The following GSTK1 variants were observed in gnomAD, a reference collection of about 807,000 sequenced individuals.
GSTK1 encodes glutathione S-transferase kappa 1, also known as GST class-kappa.
Under a neutral mutation model 30.9 loss-of-function variants are expected in GSTK1, and 25 were observed. That is an observed-to-expected ratio of 0.81 (90% CI 0.59 to 1.13). GSTK1 has a LOEUF of 1.13. Among genes scored for constraint, GSTK1 ranks in the 50% most tolerant of loss-of-function variants. The pLI, the probability that GSTK1 is intolerant of heterozygous loss-of-function variation, is 0.00. For synonymous variants in GSTK1, 108 were observed against 112.5 expected, an observed-to-expected ratio of 0.96 and a Z score of 0.25; for missense variants, 292 against 292.4, an observed-to-expected ratio of 1.00 and a Z score of 0.01.
chr7:143,267,546 CAG>C, intron 5 of GSTK1, 69 bp from the exon 6 acceptor site: 1 of 1,209,222 alleles, frequency 8.3e-7, no homozygotes, highest in Non-Finnish European at 1.2e-6. Flanking sequence ...ATAAAAAGAC[CAG>C]AGTTTTCCTC....
In GSTK1 at chr7:143,268,093, C is replaced by T; in HGVS notation, c.540C>T (p.Ala180=). The change falls in exon 7 of 8, where the codon GCC becomes GCT. Residue 180 remains alanine (A), a splice_region_variant and synonymous_variant. Coordinates refer to ENST00000358406, the MANE Select transcript of GSTK1 (RefSeq NM_015917.3). This position sits in a 1 kb window ranked among gnomAD's most constrained non-coding sequence, Gnocchi z 4.1. ...TGCATTGTAACTGCTTTCTCCAGGC[C>T]TTTGGGCTGCCCATCACCGTGGCCC... ...ETTEAACRYG[A]FGLPITVAHV... 6.2e-7 allele frequency: 1 copy of T among 1,613,072 alleles called. No homozygotes were observed. Among genetic ancestry groups the T allele is most frequent in the Non-Finnish European group, 8.5e-7 (1 of 1,179,434 alleles).
chr7:143,267,291 ACT>A (rs915569087), intron 5 of GSTK1, among the ~76,000 whole-genome samples: 1 of 152,100 alleles, frequency 6.6e-6, no homozygotes, highest in Admixed American at 6.6e-5. Flanking sequence ...ATGCTCTGTA[ACT>A]CTGAGCAAGT....
Position 143,267,612 on chromosome 7 carries a change from C to G in GSTK1, c.421-5C>G. On this transcript the variant is annotated splice_polypyrimidine_tract_variant and splice_region_variant and intron_variant, in intron 5 of 7. Transcript: ENST00000358406. The stretch of plus-strand genomic sequence containing the variant: ...ACAGTTGTATTCCCTACTATATTCC[C>G]TTAGGCTGCAGAGAAGGCTGGTATG... 6.2e-7 allele frequency: 1 copy of G among 1,604,002 alleles called. No individual in the cohort carries two copies. The highest frequency in any genetic ancestry group is 8.5e-7 in the Non-Finnish European group (1 of 1,170,806).
At chr7:143,266,023 C>CTTTTTTTTTTTTTT (rs11296238) in intron 5 of GSTK1, among the ~76,000 whole-genome samples, 4 of 69,254 alleles carry the variant, frequency 5.8e-5, no homozygotes, top group Admixed American at 2.0e-4. Flanking sequence ...ATTTTCCATG[C>CTTTTTTTTTTTTTT]TTTTTTTTTT....
Position 143,264,577 on chromosome 7 carries a change from A to C in GSTK1, c.184A>C (p.Lys62Gln). The C allele has an allele frequency of 6.2e-7, 1 of 1,614,034 alleles. No homozygotes were observed. Among genetic ancestry groups the C allele is most frequent in the Non-Finnish European group, 8.5e-7 (1 of 1,179,916 alleles). The change falls in exon 3 of 8, where the codon AAA becomes CAA. Residue 62 changes from lysine to glutamine, a missense_variant. Physicochemically the swap from Lys to Gln is moderately conservative, Grantham distance 53. Coordinates refer to ENST00000358406, the MANE Select transcript of GSTK1 (RefSeq NM_015917.3). ...CAAGCCTCCAGGTCTGCTTCCCCGC[A>C]AAGGACTATACATGGCAAATGACTT... ...GNKPPGLLPR[K>Q]GLYMANDLKL... is the part of the protein sequence containing the mutation.
chr7:143,265,770 G>A (rs1020377310), intron 5 of GSTK1, among the ~76,000 whole-genome samples: 4 of 152,178 alleles, frequency 2.6e-5, no homozygotes, highest in African/African-American at 9.7e-5. Context: ...ACATTGACCA[G>A]TGAGCCATGG....
rs571744503 is a variant in GSTK1 at position 143,264,299 on chromosome 7, C to T, written c.154+132C>T. 1.2e-4 allele frequency: 101 copies of T among 868,294 alleles called. 3 individuals are homozygous for T. The South Asian group carries it at 1.5e-3, about 13-fold the overall frequency. The allele number at this position is 868,294 out of a possible 1,614,324, so 53.8% of individuals were successfully genotyped here. On this transcript the variant is annotated intron_variant, in intron 2 of 7. Transcript: ENST00000358406. ...TCTCTACTAAAAATACAAAATTAGC[C>T]GGGCGTGGTAGTGCATGCCTGTATA...
Position 143,266,023 on chromosome 7 carries a change from C to CTTTT in GSTK1, c.420+749_420+752dup, listed in dbSNP as rs11296238. On this transcript the variant is annotated intron_variant, in intron 5 of 7. Coordinates refer to ENST00000358406, the MANE Select transcript of GSTK1 (RefSeq NM_015917.3). ...ACTTCATATTTAATCATTTTCCATG[C>CTTTT]TTTTTTTTTTTTTTTTTTTTTTTTT... is the stretch of plus-strand genomic sequence containing the variant. 8.3e-3 allele frequency among the ~76,000 whole-genome samples: 574 copies of CTTTT among 69,302 alleles called. 1 individual carries two copies. The highest frequency in any genetic ancestry group is 0.01 in the Non-Finnish European group (392 of 38,478). The allele number at this position is 69,302 out of a possible 152,430, so 45.5% of individuals were successfully genotyped here. A position where few individuals can be genotyped will look rare whatever the true frequency, so the allele number is the denominator to read the frequency against.
intron 5 of GSTK1, 54 bp downstream of exon 5, chr7:143,265,350 G>A (rs1279530051): frequency 9.0e-6 from 13 of 1,445,484 alleles, no homozygotes; most frequent in Non-Finnish European, 1.2e-5. Context: ...GAGAACAGTT[G>A]GCGTTTGGGG....
At chr7:143,263,851 C>A in intron 1 of GSTK1, 2 of 602,354 alleles carry the variant, frequency 3.3e-6, no homozygotes, top group South Asian at 2.0e-5. Flanking sequence ...GGGAGAAATG[C>A]AGAACACGGC....
rs761594431 is a variant in GSTK1 at position 143,268,562 on chromosome 7, A to G, written c.632-226A>G. 6.6e-6 allele frequency among the ~76,000 whole-genome samples: 1 copy of G among 152,176 alleles called. No homozygotes were observed. Among genetic ancestry groups the G allele is most frequent in the Non-Finnish European group, 1.5e-5 (1 of 68,020 alleles). On this transcript the variant is annotated intron_variant, in intron 7 of 7. Transcript: ENST00000358406. The surrounding 1 kb of genome is among the most constrained non-coding windows in gnomAD (Gnocchi z 4.1). ...TTGACCAGAAGGAGGGGCTCAGAGCAAAAAAATATTCTTGGCACTTCCAGT... is the reference window on the plus strand; with the variant it reads ...TTGACCAGAAGGAGGGGCTCAGAGCGAAAAAATATTCTTGGCACTTCCAGT...
At position 143,268,049 on chromosome 7, in the gene GSTK1, G is replaced by A. The variant is rs1800931204; in HGVS notation, c.538-42G>A. Reference sequence around the variant, plus strand: ...AGGTTTCAACCCCTGCCTAATACCTGCTCCTTTGCCTTCCTCCTTGCATTG... The same window carrying A: ...AGGTTTCAACCCCTGCCTAATACCTACTCCTTTGCCTTCCTCCTTGCATTG... On this transcript the variant is annotated intron_variant, in intron 6 of 7. Coordinates refer to ENST00000358406, the MANE Select transcript of GSTK1 (RefSeq NM_015917.3). This position sits in a 1 kb window ranked among gnomAD's most constrained non-coding sequence, Gnocchi z 4.1. 6.8e-7 allele frequency: 1 copy of A among 1,477,038 alleles called. No individual in the cohort carries two copies. Among genetic ancestry groups the A allele is most frequent in the Non-Finnish European group, 9.4e-7 (1 of 1,063,058 alleles). The allele number at this position is 1,477,038 out of a possible 1,614,324, so 91.5% of individuals were successfully genotyped here.
intron 2 of GSTK1, 81 bp downstream of exon 2, chr7:143,264,248 C>T: frequency 7.9e-7 from 1 of 1,259,326 alleles, no homozygotes. Flanking sequence ...TTGGCACTGG[C>T]AGCCAGAAAG....
Position 143,264,588 on chromosome 7 carries a change from C to T in GSTK1, c.195C>T (p.Tyr65=), listed in dbSNP as rs1343528811. 3 of 1,613,912 alleles carry T rather than the reference C, an allele frequency of 1.9e-6. No individual in the cohort carries two copies. The highest frequency in any genetic ancestry group is 2.5e-6 in the Non-Finnish European group (3 of 1,179,920). Residue 65 remains tyrosine (Y), a synonymous_variant, in exon 3 of 8, where the codon TAC becomes TAT. Transcript: ENST00000358406. ...PPGLLPRKGL[Y]MANDLKLLRH... is the part of the protein sequence containing the mutation. ...GTCTGCTTCCCCGCAAAGGACTATA[C>T]ATGGCAAATGACTTAAAGCTCCTGA...
In GSTK1 at chr7:143,264,834, C is replaced by T. The variant is rs1170784067; in HGVS notation, c.283+158C>T. 4.7e-6 allele frequency: 6 copies of T among 1,277,114 alleles called. No individual in the cohort carries two copies. In the African/African-American group the frequency reaches 7.4e-5, roughly 16 times the overall value. The allele number at this position is 1,277,114 out of a possible 1,614,324, so 79.1% of individuals were successfully genotyped here. On this transcript the variant is annotated intron_variant, in intron 3 of 7. Coordinates refer to ENST00000358406, the MANE Select transcript of GSTK1 (RefSeq NM_015917.3). ...CTTGAGCGAGCTGAAGGTTGCCGGG[C>T]ATGAAAGGGAAGAAGAGCAGGCAAA...
rs147208564 is a variant in GSTK1, at chr7:143,268,407, G to A, written c.631+223G>A. Among the ~76,000 whole-genome samples the A allele has an allele frequency of 1.8e-3, 269 of 152,162 alleles. No individual in the cohort carries two copies. Among genetic ancestry groups the A allele is most frequent in the African/African-American group, 6.0e-3 (250 of 41,502 alleles). ...GGAGAATCACTTGAACCTGGGAGGC[G>A]GAGGTTGCAGTGAGCCGAGATCGCG... On this transcript the variant is annotated intron_variant, in intron 7 of 7. Coordinates refer to ENST00000358406, the MANE Select transcript of GSTK1 (RefSeq NM_015917.3). The surrounding 1 kb of genome is among the most constrained non-coding windows in gnomAD (Gnocchi z 4.1).
intron 6 of GSTK1, 39 bp downstream of exon 6, chr7:143,267,772 G>C: frequency 7.3e-7 from 1 of 1,361,554 alleles, no homozygotes; most frequent in Non-Finnish European, 1.0e-6. Flanking sequence ...CACCCATCCT[G>C]AAGATGGAGA....
At chr7:143,265,359 G>A in intron 5 of GSTK1, 63 bp downstream of exon 5, 2 of 1,387,524 alleles carry the variant, frequency 1.4e-6, no homozygotes, top group East Asian at 2.5e-5. Context: ...TGGCGTTTGG[G>A]GGTAAAGAAG....
In GSTK1 at chr7:143,268,364, C is replaced by T. The variant is rs1800943859; in HGVS notation, c.631+180C>T. Among the ~76,000 whole-genome samples, 1 of 152,064 alleles carries T rather than the reference C, an allele frequency of 6.6e-6. No individual in the cohort carries two copies. The highest frequency in any genetic ancestry group is 2.1e-4 in the South Asian group (1 of 4,816). On this transcript the variant is annotated intron_variant, in intron 7 of 7. Transcript: ENST00000358406. The surrounding 1 kb of genome is among the most constrained non-coding windows in gnomAD (Gnocchi z 4.1). The stretch of plus-strand genomic sequence containing the variant: ...AAATTAGCTGGGACTACAGCTGCCT[C>T]AGTGGGAGGCTGAGGCAGGAGAATC...
Sources: gnomAD v4.1 joint callset for allele counts (sites outside exome capture counted in the v4.1 genomes callset) on GRCh38, gnomAD v4.1.1 for gene constraint, Gnocchi (gnomAD v3.1) non-coding constraint, MANE v1.5 for transcripts, NCBI Gene and HGNC (gene_info 2026-07-23, HGNC 2026-07-21) for gene names.